CDH18: variants seen among roughly 807,000 people sequenced by gnomAD.
CDH18 encodes cadherin 18.
Under a neutral mutation model 67.9 loss-of-function variants are expected in CDH18, and 31 were observed. The observed-to-expected ratio is 0.46, with a 90% CI of 0.34 to 0.62. The LOEUF (loss-of-function observed/expected upper bound fraction) is 0.62. Among genes scored for constraint, CDH18 ranks in the 20% least tolerant of loss-of-function variants. CDH18 has a pLI of 0.01. For synonymous variants in CDH18, 362 were observed against 347.2 expected (o/e 1.04, Z -0.48); for missense variants, 890 against 975.5 (o/e 0.91, Z 1.17).
chr5:19,931,047 A>G (rs1221746801), intron 2 of CDH18, among the ~76,000 whole-genome samples: 1 of 152,026 alleles, frequency 6.6e-6, no homozygotes, highest in East Asian at 1.9e-4. Context: ...ATATTGAAAT[A>G]CTTAAGTAGA....
chr5:20,370,156 CCAT>C (rs1448823677), intron 1 of CDH18, among the ~76,000 whole-genome samples: 1 of 152,086 alleles, frequency 6.6e-6, no homozygotes, highest in Admixed American at 6.5e-5. Context: ...ATAGTCATCA[CCAT>C]CATCATTACT....
intron 1 of CDH18, among the ~76,000 whole-genome samples, chr5:20,380,397 C>A (rs1262053007): frequency 6.6e-6 from 1 of 152,094 alleles, no homozygotes; most frequent in Non-Finnish European, 1.5e-5. Flanking sequence ...CTAAAAAATA[C>A]TTCTTATGGT....
chr5:19,540,245 C>T (rs772320987), intron 9 of CDH18, among the ~76,000 whole-genome samples: 6 of 152,132 alleles, frequency 3.9e-5, no homozygotes, highest in Admixed American at 1.3e-4. Context: ...CCATGTCTCA[C>T]GTCCAGGTCA....
At chr5:19,961,726 A>G (rs1296925596) in intron 2 of CDH18, among the ~76,000 whole-genome samples, 1 of 151,916 alleles carries the variant, frequency 6.6e-6, no homozygotes, top group Admixed American at 6.6e-5. Context: ...GTCTTTCATG[A>G]TTCTCTTAAT....
At chr5:19,918,879 G>A (rs1390329383) in intron 2 of CDH18, among the ~76,000 whole-genome samples, 1 of 144,470 alleles carries the variant, frequency 6.9e-6, no homozygotes, top group African/African-American at 2.7e-5. Context: ...CCTCTTTCAT[G>A]CACATCCCAG....
At chr5:20,147,627 T>A (rs1750760225) in intron 2 of CDH18, among the ~76,000 whole-genome samples, 1 of 152,164 alleles carries the variant, frequency 6.6e-6, no homozygotes, top group Non-Finnish European at 1.5e-5. Context: ...ATTTTGCTTT[T>A]GTTTCTATTT....
At chr5:20,126,863 AT>A (rs1748876244) in intron 2 of CDH18, among the ~76,000 whole-genome samples, 1 of 152,212 alleles carries the variant, frequency 6.6e-6, no homozygotes, top group Non-Finnish European at 1.5e-5. Context: ...TTTGATGAGA[AT>A]GTAAAATGGT....
chr5:19,706,067 T>C (rs961602809), intron 5 of CDH18, among the ~76,000 whole-genome samples: 6 of 152,284 alleles, frequency 3.9e-5, no homozygotes, highest in Admixed American at 1.3e-4. Flanking sequence ...GTAGCTGTAA[T>C]TGAGGTATTG....
Position 19,483,594 on chromosome 5 carries a change from C to T in CDH18, c.1631-42G>A, listed in dbSNP as rs369952715. 4.0e-5 allele frequency: 62 copies of T among 1,531,550 alleles called. No homozygotes were observed. In the Admixed American group the frequency reaches 6.7e-4, roughly 16 times the overall value. 94.9% of individuals were successfully genotyped at this position (1,531,550 alleles called of 1,614,324 possible). On this transcript the variant is annotated intron_variant, in intron 11 of 12. Coordinates refer to ENST00000382275, the MANE Select transcript of CDH18 (RefSeq NM_004934.5). ...CAAAACAAAATACACTTAGTCAAGC[C>T]GCCATTCAAGATTCACATTTCCTTT...
intron 2 of CDH18, among the ~76,000 whole-genome samples, chr5:20,068,187 C>T (rs1309414370): frequency 6.6e-6 from 1 of 152,010 alleles, no homozygotes. Flanking sequence ...CTCTAAAGAA[C>T]GTGGCTCTTT....
chr5:20,033,816 G>T (rs908775034), intron 2 of CDH18, among the ~76,000 whole-genome samples: 19 of 151,916 alleles, frequency 1.3e-4, no homozygotes, highest in Admixed American at 4.6e-4. Context: ...GACTGTCTTT[G>T]ATTTTACAAA....
intron 2 of CDH18, among the ~76,000 whole-genome samples, chr5:20,044,304 G>A (rs996618617): frequency 1.2e-4 from 19 of 152,050 alleles, no homozygotes; most frequent in Admixed American, 1.2e-3. Context: ...AAAGAGGATT[G>A]GTAGAGAATA....
intron 1 of CDH18, among the ~76,000 whole-genome samples, chr5:20,398,922 A>G (rs962239962): frequency 5.8e-5 from 5 of 86,350 alleles, no homozygotes; most frequent in African/African-American, 2.1e-4. Flanking sequence ...GAAAACCACC[A>G]CGGCACACGT....
At chr5:19,776,934 A>T (rs1025459507) in intron 3 of CDH18, among the ~76,000 whole-genome samples, 1 of 152,248 alleles carries the variant, frequency 6.6e-6, no homozygotes, top group South Asian at 2.1e-4. Context: ...AGTATTTTAC[A>T]ATGAAATATT....
chr5:20,309,338 G>A (rs1736783414), intron 1 of CDH18, among the ~76,000 whole-genome samples: 2 of 152,166 alleles, frequency 1.3e-5, no homozygotes, highest in East Asian at 1.9e-4. Flanking sequence ...TGTCTAAATA[G>A]GCTAGAAACA....
At chr5:19,608,753 AGCT>A (rs898758820) in intron 6 of CDH18, among the ~76,000 whole-genome samples, 6 of 151,826 alleles carry the variant, frequency 4.0e-5, no homozygotes, top group Non-Finnish European at 8.8e-5. Flanking sequence ...TGTTAGATTA[AGCT>A]AACATAATGA....
At chr5:20,156,136 A>C (rs1751502815) in intron 2 of CDH18, among the ~76,000 whole-genome samples, 1 of 152,122 alleles carries the variant, frequency 6.6e-6, no homozygotes. Flanking sequence ...TGTGGGTGAG[A>C]ATGTAAATTA....
intron 1 of CDH18, among the ~76,000 whole-genome samples, chr5:20,379,257 A>G (rs542658607): frequency 6.6e-6 from 1 of 152,306 alleles, no homozygotes; most frequent in Non-Finnish European, 1.5e-5. Context: ...ATTGTCATGT[A>G]TAGATTTCTT....
Position 19,477,923 on chromosome 5 carries a change from T to C in CDH18, c.1883-4207A>G, listed in dbSNP as rs553817858. On this transcript the variant is annotated intron_variant, in intron 12 of 12. Coordinates refer to ENST00000382275, the MANE Select transcript of CDH18 (RefSeq NM_004934.5). ...TGAATAAGCTGTAGAATTTTTTACA[T>C]GTCTTTAGTCTAAAATAAATATTTT... Among the ~76,000 whole-genome samples the C allele has an allele frequency of 1.3e-3, 196 of 152,236 alleles. 1 individual carries two copies. The highest frequency in any genetic ancestry group is 4.5e-3 in the African/African-American group (189 of 41,562).
Sources: allele counts gnomAD v4.1 joint callset (sites outside exome capture counted in the v4.1 genomes callset), GRCh38; gene constraint gnomAD v4.1.1; transcripts MANE v1.5; gene names NCBI Gene and HGNC (gene_info 2026-07-23, HGNC 2026-07-21).